The following MGMT variants were observed in gnomAD, a reference collection of about 807,000 sequenced individuals.
MGMT encodes the protein O-6-methylguanine-DNA methyltransferase, also known as methylated-DNA--protein-cysteine methyltransferase.
In MGMT, 14 loss-of-function variants were observed where a neutral mutation model predicts 15.9. The observed-to-expected ratio is 0.88, with a 90% CI of 0.58 to 1.37. MGMT has a LOEUF of 1.37. Ranked by LOEUF, MGMT falls within the 40% of genes most tolerant of loss-of-function variation. MGMT has a pLI of 0.00. For missense variants in MGMT, 282 were observed against 268.1 expected (o/e 1.05, Z -0.36); for synonymous variants, 130 against 118.2 (o/e 1.10, Z -0.65).
At chr10:129,642,042 A>G (rs1847332960) in intron 2 of MGMT, among the ~76,000 whole-genome samples, 1 of 152,142 alleles carries the variant, frequency 6.6e-6, no homozygotes, top group Non-Finnish European at 1.5e-5. Flanking sequence ...CTTTTGAAGA[A>G]TAGTACCTTC....
chr10:129,611,408 T>C (rs1846958206), intron 2 of MGMT, among the ~76,000 whole-genome samples: 2 of 152,106 alleles, frequency 1.3e-5, no homozygotes, highest in African/African-American at 4.8e-5. Context: ...TCTTGAGAAC[T>C]CACTCACTAT....
chr10:129,482,652 T>A (rs1479744611), intron 1 of MGMT, among the ~76,000 whole-genome samples: 1 of 152,168 alleles, frequency 6.6e-6, no homozygotes, highest in Non-Finnish European at 1.5e-5. Flanking sequence ...GAAATGGCCT[T>A]CTCTAGTTTT....
At chr10:129,709,067 G>A (rs955569099) in intron 3 of MGMT, among the ~76,000 whole-genome samples, 2 of 152,234 alleles carry the variant, frequency 1.3e-5, no homozygotes, top group African/African-American at 4.8e-5. Context: ...AACTGAAGCT[G>A]TGCAGCTATA....
rs114978340 is a variant in MGMT at position 129,616,818 on chromosome 10, G to A, written c.125+80441G>A. ...TGTCTCCTTTCTACTTGCAGATAGC[G>A]GTGAGGTGGGAGAGGGGCCTGGGAG... On this transcript the variant is annotated intron_variant, in intron 2 of 4. Coordinates refer to ENST00000651593, the MANE Select transcript of MGMT (RefSeq NM_002412.5). 5.8e-3 allele frequency among the ~76,000 whole-genome samples: 881 copies of A among 152,214 alleles called. 5 individuals carry two copies. Among genetic ancestry groups the A allele is most frequent in the African/African-American group, 0.02 (836 of 41,532 alleles).
chr10:129,689,323 A>G (rs919863337), intron 2 of MGMT, among the ~76,000 whole-genome samples: 1 of 152,198 alleles, frequency 6.6e-6, no homozygotes, highest in Admixed American at 6.5e-5. Context: ...ATTGCAAGCC[A>G]TGGCAGTTTG....
chr10:129,679,767 A>C (rs2051716688), intron 2 of MGMT, among the ~76,000 whole-genome samples: 1 of 152,198 alleles, frequency 6.6e-6, no homozygotes, highest in Admixed American at 6.5e-5. Context: ...TGAAACAAAA[A>C]AATTAGTCAT....
intron 2 of MGMT, among the ~76,000 whole-genome samples, chr10:129,643,669 AAAC>A (rs1445542841): frequency 6.6e-6 from 1 of 152,212 alleles, no homozygotes; most frequent in East Asian, 1.9e-4. Context: ...GTTCACCCAG[AAAC>A]AACGATTTCT....
At chr10:129,710,473 T>A (rs1018962123) in intron 3 of MGMT, among the ~76,000 whole-genome samples, 9 of 152,200 alleles carry the variant, frequency 5.9e-5, no homozygotes, top group African/African-American at 2.2e-4. Context: ...GTGGTTGCTG[T>A]GGGGGCTGGG....
At chr10:129,753,416 C>T (rs1293353161) in intron 3 of MGMT, among the ~76,000 whole-genome samples, 1 of 152,080 alleles carries the variant, frequency 6.6e-6, no homozygotes, top group African/African-American at 2.4e-5. Flanking sequence ...TTTTCCCGTA[C>T]TACACTTTTT....
chr10:129,615,572 C>G (rs560278246), intron 2 of MGMT, among the ~76,000 whole-genome samples: 14 of 152,354 alleles, frequency 9.2e-5, no homozygotes, highest in African/African-American at 3.4e-4. Context: ...TCATCCGGAA[C>G]ATTCCTCACC....
chr10:129,691,390 G>A (rs1294024447), intron 2 of MGMT, among the ~76,000 whole-genome samples: 1 of 152,272 alleles, frequency 6.6e-6, no homozygotes, highest in Non-Finnish European at 1.5e-5. Flanking sequence ...GGAGAGCACA[G>A]CAGGCAGCTG....
At chr10:129,739,388 T>C (rs540652007) in intron 3 of MGMT, among the ~76,000 whole-genome samples, 86 of 152,364 alleles carry the variant, frequency 5.6e-4, no homozygotes, top group African/African-American at 1.9e-3. Context: ...GACATGATTC[T>C]ATATTTAGAA....
chr10:129,648,640 G>A lies in MGMT; in HGVS notation c.126-59255G>A, dbSNP rs558529931. 6.6e-5 allele frequency among the ~76,000 whole-genome samples: 10 copies of A among 152,264 alleles called. No individual in the cohort carries two copies. In the East Asian group the frequency reaches 9.7e-4, roughly 15 times the overall value. Reference sequence around the variant, plus strand: ...TAAAAGAAATGATTCTGACTTTGCCGCTAAGTTTCTTTCTTTCACTTTTTT... The same window carrying A: ...TAAAAGAAATGATTCTGACTTTGCCACTAAGTTTCTTTCTTTCACTTTTTT... On this transcript the variant is annotated intron_variant, in intron 2 of 4. Transcript: ENST00000651593.
rs55748359 is a variant in MGMT, at chr10:129,541,370, C to G, written c.125+4993C>G. Among the ~76,000 whole-genome samples the G allele has an allele frequency of 8.7e-3, 1,326 of 152,344 alleles. 21 individuals carry two copies. Among genetic ancestry groups the G allele is most frequent in the African/African-American group, 0.03 (1,266 of 41,574 alleles). ...CAGGAGCACTTGGCCTCTGCAAGAG[C>G]GGAGCAGCTCCCCCGCGCCATCTTC... On this transcript the variant is annotated intron_variant, in intron 2 of 4. Coordinates refer to ENST00000651593, the MANE Select transcript of MGMT (RefSeq NM_002412.5).
intron 1 of MGMT, among the ~76,000 whole-genome samples, chr10:129,523,394 T>A (rs1845834309): frequency 7.4e-6 from 1 of 135,370 alleles, no homozygotes; most frequent in Non-Finnish European, 1.7e-5. Flanking sequence ...TCTCTCATTG[T>A]CTTTTTCCTA....
intron 2 of MGMT, among the ~76,000 whole-genome samples, chr10:129,642,622 A>G (rs1038485996): frequency 1.3e-5 from 2 of 152,198 alleles, no homozygotes; most frequent in Admixed American, 1.3e-4. Flanking sequence ...TTGCCATTGC[A>G]TTACACAAGT....
intron 3 of MGMT, among the ~76,000 whole-genome samples, chr10:129,715,813 TAATGTA>T (rs1255028304): frequency 2.6e-5 from 4 of 152,232 alleles, no homozygotes; most frequent in African/African-American, 9.6e-5. Flanking sequence ...AACTATGACT[TAATGTA>T]AATGCTTTCA....
At chr10:129,633,856 C>T (rs1847237448) in intron 2 of MGMT, among the ~76,000 whole-genome samples, 1 of 152,222 alleles carries the variant, frequency 6.6e-6, no homozygotes, top group Admixed American at 6.5e-5. Flanking sequence ...ATATATTAGT[C>T]TCTGTCTCAG....
At chr10:129,529,384 CTAGA>C (rs1483319778) in intron 1 of MGMT, among the ~76,000 whole-genome samples, 2 of 152,138 alleles carry the variant, frequency 1.3e-5, no homozygotes, top group Non-Finnish European at 2.9e-5. Context: ...TCACCAGGCA[CTAGA>C]TTCTCATAAG....
Sources: allele counts gnomAD v4.1 joint callset (sites outside exome capture counted in the v4.1 genomes callset), GRCh38; gene constraint gnomAD v4.1.1; transcripts MANE v1.5; gene names NCBI Gene and HGNC (gene_info 2026-07-23, HGNC 2026-07-21).